Variants in VTA1 observed in about 807,000 individuals in gnomAD.
VTA1 encodes vesicle trafficking 1, also known as vacuolar protein sorting-associated protein VTA1 homolog.
Under a neutral mutation model 36.9 loss-of-function variants are expected in VTA1, and 24 were observed. The ratio of observed to expected loss-of-function variants is 0.65; its 90% CI spans 0.47 to 0.91. The LOEUF (loss-of-function observed/expected upper bound fraction) is 0.91, where lower values mean the gene tolerates loss of function less well. Ranked by LOEUF, VTA1 falls within the 40% of genes least tolerant of loss-of-function variation. The pLI, the probability that VTA1 is intolerant of heterozygous loss-of-function variation, is 0.00. For missense variants in VTA1, 393 were observed against 377.2 expected (o/e 1.04, Z -0.35); for synonymous variants, 142 against 130.2 (o/e 1.09, Z -0.62).
At chr6:142,170,973 A>G (rs1463023093) in intron 4 of VTA1, among the ~76,000 whole-genome samples, 1 of 152,160 alleles carries the variant, frequency 6.6e-6, no homozygotes, top group African/African-American at 2.4e-5. Context: ...ACTTCAGCAT[A>G]TGTGTGACTA....
chr6:142,181,079 A>G (rs1471474862), intron 4 of VTA1, among the ~76,000 whole-genome samples: 3 of 40,162 alleles, frequency 7.5e-5, no homozygotes, highest in African/African-American at 9.5e-5. Flanking sequence ...AATGGTACAG[A>G]AAAAAAAAAA....
At chr6:142,160,497 C>G (rs1774779805) in intron 1 of VTA1, among the ~76,000 whole-genome samples, 1 of 152,038 alleles carries the variant, frequency 6.6e-6, no homozygotes, top group Non-Finnish European at 1.5e-5. Flanking sequence ...TTCTTTAGAC[C>G]TCTGCCCCTT....
Position 142,159,228 on chromosome 6 carries a change from G to T in VTA1, c.113-7000G>T, listed in dbSNP as rs561402402. On this transcript the variant is annotated intron_variant, in intron 1 of 7. Transcript: ENST00000367630. ...TACAATAAGAAATTACCCAGACATG[G>T]TGTCCCGCACCTGTAGTCTCAGCTA... is the stretch of plus-strand genomic sequence containing the variant. 2.0e-5 allele frequency among the ~76,000 whole-genome samples: 3 copies of T among 151,814 alleles called. No homozygotes were observed. In the South Asian group the frequency reaches 6.2e-4, roughly 32 times the overall value.
intron 7 of VTA1, among the ~76,000 whole-genome samples, chr6:142,213,002 C>G (rs1775932666): frequency 6.6e-6 from 1 of 152,184 alleles, no homozygotes. Flanking sequence ...ACAAATATCT[C>G]TTCTCAATAG....
chr6:142,161,811 T>C (rs553275723), intron 1 of VTA1, among the ~76,000 whole-genome samples: 4 of 152,264 alleles, frequency 2.6e-5, no homozygotes, highest in African/African-American at 9.6e-5. Context: ...GATGTTTTAG[T>C]GTACTTAAAC....
intron 4 of VTA1, among the ~76,000 whole-genome samples, chr6:142,183,648 A>G (rs2114659205): frequency 6.6e-6 from 1 of 152,304 alleles, no homozygotes; most frequent in South Asian, 2.1e-4. Flanking sequence ...AGCCAAAAGG[A>G]GTTAATGAAT....
At chr6:142,200,170 C>G (rs1469094955) in intron 6 of VTA1, among the ~76,000 whole-genome samples, 4 of 152,040 alleles carry the variant, frequency 2.6e-5, no homozygotes, top group Non-Finnish European at 5.9e-5. Flanking sequence ...TTTCCTCTTT[C>G]TAATATGAAA....
rs1776164653 is a variant in VTA1, at chr6:142,224,343, T to G, written c.*5700T>G. 6.6e-6 allele frequency: 1 copy of G among 152,234 alleles called. No individual in the cohort carries two copies. Among genetic ancestry groups the G allele is most frequent in the African/African-American group, 2.4e-5 (1 of 41,466 alleles). The allele number at this position is 152,234 out of a possible 1,614,324, so 9.4% of individuals were successfully genotyped here. On this transcript the variant is annotated 3_prime_UTR_variant, in exon 8 of 8. Transcript: ENST00000367630. ...GTGATATAGGGGATATTCGGAGTCCTCTGAGACGGGACAAGGACACTGGAC... is the reference window on the plus strand; with the variant it reads ...GTGATATAGGGGATATTCGGAGTCCGCTGAGACGGGACAAGGACACTGGAC...
At chr6:142,181,112 T>C (rs1417014823) in intron 4 of VTA1, among the ~76,000 whole-genome samples, 1 of 119,330 alleles carries the variant, frequency 8.4e-6, no homozygotes, top group Non-Finnish European at 1.8e-5. Context: ...TATATATATA[T>C]ATATACACAC....
intron 4 of VTA1, among the ~76,000 whole-genome samples, chr6:142,185,455 T>C (rs1281345554): frequency 6.6e-6 from 1 of 152,184 alleles, no homozygotes; most frequent in East Asian, 1.9e-4. Flanking sequence ...CCTTCATTAG[T>C]TTTCATTGCT....
intron 2 of VTA1, among the ~76,000 whole-genome samples, chr6:142,168,751 T>TTAC (rs1774972436): frequency 7.3e-6 from 1 of 136,180 alleles, no homozygotes; most frequent in South Asian, 2.1e-4. Context: ...ATTATTATTA[T>TTAC]TATTATTATT....
At position 142,168,553 on chromosome 6, in the gene VTA1, T is replaced by A. The variant is rs201924468; in HGVS notation, c.208-997T>A. Among the ~76,000 whole-genome samples, 434 of 151,856 alleles carry A rather than the reference T, an allele frequency of 2.9e-3. 6 individuals carry two copies. The highest frequency in any genetic ancestry group is 2.4e-3 in the Non-Finnish European group (161 of 67,884). ...CTGAGTAAAAATTAGGAACTTTTTTTAAATGCTTTAAATTATTGTGTCTAT... is the reference window on the plus strand; with the variant it reads ...CTGAGTAAAAATTAGGAACTTTTTTAAAATGCTTTAAATTATTGTGTCTAT... On this transcript the variant is annotated intron_variant, in intron 2 of 7. Coordinates refer to ENST00000367630, the MANE Select transcript of VTA1 (RefSeq NM_016485.5).
chr6:142,188,464 C>T (rs1397003768), intron 4 of VTA1, among the ~76,000 whole-genome samples: 2 of 151,520 alleles, frequency 1.3e-5, no homozygotes, highest in East Asian at 2.0e-4. Context: ...CTGCCTGCCT[C>T]AGCCTCCCAA....
At chr6:142,215,632 T>A (rs1183836849) in intron 7 of VTA1, among the ~76,000 whole-genome samples, 7 of 152,136 alleles carry the variant, frequency 4.6e-5, no homozygotes, top group African/African-American at 1.7e-4. Context: ...AGTCAAAGGA[T>A]AATAGAGTAT....
At chr6:142,188,361 C>T (rs565439047) in intron 4 of VTA1, among the ~76,000 whole-genome samples, 25 of 148,562 alleles carry the variant, frequency 1.7e-4, no homozygotes, top group Middle Eastern at 3.6e-3. Context: ...ACTACAGGCA[C>T]GTGCCACCAC....
chr6:142,201,947 G>T (rs225685), intron 6 of VTA1, among the ~76,000 whole-genome samples: 58,192 of 151,786 alleles, frequency 0.38, 13,244 homozygotes, highest in Middle Eastern at 0.54. Context: ...AGATTTGTTT[G>T]GAGGATTTTA....
chr6:142,195,768 C>T (rs1775533973), intron 5 of VTA1, among the ~76,000 whole-genome samples: 1 of 151,574 alleles, frequency 6.6e-6, no homozygotes, highest in African/African-American at 2.4e-5. Context: ...TTATAGTTTT[C>T]TTTGTGATTT....
At chr6:142,210,265 G>T (rs1038437168) in intron 7 of VTA1, among the ~76,000 whole-genome samples, 2 of 152,094 alleles carry the variant, frequency 1.3e-5, no homozygotes, top group Non-Finnish European at 2.9e-5. Flanking sequence ...CAAAAATCAA[G>T]TCAAAATGGA....
At chr6:142,163,837 A>G (rs560616883) in intron 1 of VTA1, among the ~76,000 whole-genome samples, 8 of 152,312 alleles carry the variant, frequency 5.3e-5, no homozygotes, top group African/African-American at 1.9e-4. Flanking sequence ...CAAATCTGCA[A>G]TATGTTATGT....
Sources: gnomAD v4.1 joint callset for allele counts (sites outside exome capture counted in the v4.1 genomes callset) on GRCh38, gnomAD v4.1.1 for gene constraint, MANE v1.5 for transcripts, NCBI Gene and HGNC (gene_info 2026-07-23, HGNC 2026-07-21) for gene names.